The following ACAP2 variants were observed in gnomAD, a reference collection of about 807,000 sequenced individuals.
ACAP2 encodes arf-GAP with coiled-coil, ANK repeat and PH domain-containing protein 2.
Under a neutral mutation model 115.8 loss-of-function variants are expected in ACAP2, and 39 were observed. The ratio of observed to expected loss-of-function variants is 0.34; its 90% CI spans 0.26 to 0.44. ACAP2 has a LOEUF of 0.44. ACAP2 is among the 20% of genes least tolerant of loss of function. The probability of loss-of-function intolerance (pLI) is 1.00; values close to 1 mark genes in which losing one functional copy is unlikely to be tolerated. For missense variants in ACAP2, 662 were observed against 927.6 expected, an observed-to-expected ratio of 0.71 and a Z score of 3.72; for synonymous variants, 289 against 315.8, an observed-to-expected ratio of 0.92 and a Z score of 0.90.
At chr3:195,435,804 G>C (rs905236989) in intron 1 of ACAP2, among the ~76,000 whole-genome samples, 4 of 152,036 alleles carry the variant, frequency 2.6e-5, no homozygotes. Flanking sequence ...ATGTAAACTC[G>C]AGAAGAATGT....
Position 195,277,371 on chromosome 3 carries a change from T to C in ACAP2, c.*1957A>G, listed in dbSNP as rs1434158795. On this transcript the variant is annotated 3_prime_UTR_variant, in exon 23 of 23. Transcript: ENST00000326793. ...AGCCAGATGATCTATGACTTTGAGG[T>C]GAAACAGCAAAGATAAAGATTTAAT... The C allele has an allele frequency of 6.6e-6, 1 of 152,212 alleles. No homozygotes were observed. Among genetic ancestry groups the C allele is most frequent in the Non-Finnish European group, 1.5e-5 (1 of 68,030 alleles). The allele number at this position is 152,212 out of a possible 1,614,324, so 9.4% of individuals were successfully genotyped here. A position where few individuals can be genotyped will look rare whatever the true frequency, so the allele number is the denominator to read the frequency against.
In ACAP2 at chr3:195,360,110, G is replaced by T. The variant is rs71317957; in HGVS notation, c.286-14793C>A. On this transcript the variant is annotated intron_variant, in intron 4 of 22. Transcript: ENST00000326793. The stretch of plus-strand genomic sequence containing the variant: ...GGCTGAATGGATAAAGAAACAAGAC[G>T]CAATAATCTGTTGCTTACAAGAGAC... Among the ~76,000 whole-genome samples, 1,361 of 152,142 alleles carry T rather than the reference G, an allele frequency of 8.9e-3. 14 individuals carry two copies. Among genetic ancestry groups the T allele is most frequent in the Middle Eastern group, 0.017 (5 of 294 alleles).
intron 1 of ACAP2, among the ~76,000 whole-genome samples, chr3:195,436,131 ATAT>A (rs1182558926): frequency 1.8e-4 from 16 of 88,418 alleles, no homozygotes; most frequent in Admixed American, 3.6e-4. Flanking sequence ...ATATATATAT[ATAT>A]TTTTTTTTTT....
intron 4 of ACAP2, among the ~76,000 whole-genome samples, chr3:195,378,109 G>C (rs921493373): frequency 1.5e-5 from 2 of 134,590 alleles, no homozygotes; most frequent in African/African-American, 6.8e-5. Context: ...AGGGAGGAAG[G>C]AAGGAGAGAG....
chr3:195,393,965 C>T (rs1711539071), intron 1 of ACAP2, among the ~76,000 whole-genome samples: 1 of 151,692 alleles, frequency 6.6e-6, no homozygotes, highest in Admixed American at 6.6e-5. Flanking sequence ...CTACGAACTA[C>T]AACTCTGAAG....
intron 4 of ACAP2, among the ~76,000 whole-genome samples, chr3:195,356,723 C>A (rs1731997900): frequency 6.6e-6 from 1 of 152,034 alleles, no homozygotes; most frequent in Non-Finnish European, 1.5e-5. Flanking sequence ...TATTTTTAGA[C>A]ACACCCTGGG....
chr3:195,287,795 T>C (rs1467452237), intron 21 of ACAP2, among the ~76,000 whole-genome samples: 1 of 152,108 alleles, frequency 6.6e-6, no homozygotes, highest in African/African-American at 2.4e-5. Context: ...GCCCTAGTAC[T>C]ATACAAAGAG....
At chr3:195,305,008 C>G (rs1250885356) in intron 13 of ACAP2, among the ~76,000 whole-genome samples, 1 of 152,140 alleles carries the variant, frequency 6.6e-6, no homozygotes, top group Admixed American at 6.5e-5. Context: ...GGGGTGGTAC[C>G]TAAGCAATGG....
At chr3:195,379,424 G>A (rs1298981196) in intron 4 of ACAP2, among the ~76,000 whole-genome samples, 1 of 152,124 alleles carries the variant, frequency 6.6e-6, no homozygotes, top group Non-Finnish European at 1.5e-5. Flanking sequence ...ACTGATAAGG[G>A]TTTAATATCC....
chr3:195,403,898 T>C (rs532681407), intron 1 of ACAP2, among the ~76,000 whole-genome samples: 2 of 152,178 alleles, frequency 1.3e-5, no homozygotes, highest in South Asian at 2.1e-4. Context: ...CAAGAGCACA[T>C]AGATAGTATC....
rs1727627995 is a variant in ACAP2 at position 195,295,856 on chromosome 3, C to T, written c.1524G>A (p.Val508=). The change falls in exon 17 of 23, where the codon GTG becomes GTA. Residue 508 remains valine (V), a synonymous_variant. Transcript: ENST00000326793. ...AATATTTATCCACAAATTTCCTCTC[C>T]ACATATTTTGCTCTGATATATGCCT... ...EKEAYIRAKY[V]ERKFVDKYSI... is the part of the protein sequence containing the mutation. 3 of 1,613,532 alleles carry T rather than the reference C, an allele frequency of 1.9e-6. No individual in the cohort carries two copies. Among genetic ancestry groups the T allele is most frequent in the Non-Finnish European group, 2.5e-6 (3 of 1,179,850 alleles).
chr3:195,403,725 G>C (rs1355842887), intron 1 of ACAP2, among the ~76,000 whole-genome samples: 1 of 152,224 alleles, frequency 6.6e-6, no homozygotes, highest in Non-Finnish European at 1.5e-5. Context: ...AGATGGGCAA[G>C]ACTACAGGCG....
intron 1 of ACAP2, among the ~76,000 whole-genome samples, chr3:195,438,858 G>A (rs544618016): frequency 1.8e-4 from 27 of 152,294 alleles, no homozygotes; most frequent in African/African-American, 6.5e-4. Flanking sequence ...TCAGGAGTTC[G>A]AGACCAGCCT....
intron 1 of ACAP2, among the ~76,000 whole-genome samples, chr3:195,394,989 T>C (rs1711618912): frequency 7.0e-6 from 1 of 143,628 alleles, no homozygotes; most frequent in Admixed American, 6.7e-5. Context: ...TCAATCACAG[T>C]ACATGACACA....
intron 4 of ACAP2, among the ~76,000 whole-genome samples, chr3:195,347,905 A>G (rs140587510): frequency 4.8e-4 from 73 of 151,704 alleles, no homozygotes; most frequent in African/African-American, 1.6e-3. Flanking sequence ...CTAACTATTC[A>G]AGAGACTAAG....
At chr3:195,350,352 T>C (rs985681510) in intron 4 of ACAP2, among the ~76,000 whole-genome samples, 1 of 152,098 alleles carries the variant, frequency 6.6e-6, no homozygotes, top group African/African-American at 2.4e-5. Flanking sequence ...ATCAATGAAG[T>C]ATGGTACTGT....
chr3:195,298,899 G>A (rs867170445), intron 15 of ACAP2, among the ~76,000 whole-genome samples: 1 of 152,152 alleles, frequency 6.6e-6, no homozygotes, highest in Non-Finnish European at 1.5e-5. Flanking sequence ...CCAAAGTGCT[G>A]GGATTATAGG....
intron 10 of ACAP2, among the ~76,000 whole-genome samples, chr3:195,318,824 C>A (rs993510327): frequency 5.3e-5 from 8 of 152,152 alleles, no homozygotes. Flanking sequence ...AAATTCAAGC[C>A]AGCTGCAAAA....
At chr3:195,374,809 G>A (rs1199539987) in intron 4 of ACAP2, among the ~76,000 whole-genome samples, 3 of 151,680 alleles carry the variant, frequency 2.0e-5, no homozygotes, top group African/African-American at 4.8e-5. Context: ...CCGCCTCCCG[G>A]GTTCATGCCA....
Sources: gnomAD v4.1 joint callset for allele counts (sites outside exome capture counted in the v4.1 genomes callset) on GRCh38, gnomAD v4.1.1 for gene constraint, MANE v1.5 for transcripts, NCBI Gene and HGNC (gene_info 2026-07-23, HGNC 2026-07-21) for gene names.